MBNL2: variants seen among roughly 807,000 people sequenced by gnomAD.
MBNL2 encodes the protein muscleblind like splicing regulator 2, also known as muscleblind-like protein 2.
MBNL2 carries 17 observed loss-of-function variants against 41.9 expected under a neutral mutation model. That is an observed-to-expected ratio of 0.41 (90% confidence interval 0.28 to 0.61). The LOEUF (loss-of-function observed/expected upper bound fraction) is 0.61, where lower values mean the gene tolerates loss of function less well. Ranked by LOEUF, MBNL2 falls within the 20% of genes least tolerant of loss-of-function variation. The pLI is 0.35. For synonymous variants in MBNL2, 195 were observed against 182.9 expected (o/e 1.07, Z -0.53); for missense variants, 336 against 505.6 (o/e 0.66, Z 3.22).
At position 97,346,103 on chromosome 13, in the gene MBNL2, A is replaced by T. The variant is rs1415192552; in HGVS notation, c.541-701A>T. Reference sequence around the variant, plus strand: ...TGATGGATGGCTGGATGGATAGATGATAGATGGATGAATGAATGGCTGGCT... The same window carrying T: ...TGATGGATGGCTGGATGGATAGATGTTAGATGGATGAATGAATGGCTGGCT... On this transcript the variant is annotated intron_variant, in intron 4 of 8. Transcript: ENST00000679496. The surrounding 1 kb of genome is among the most constrained non-coding windows in gnomAD (Gnocchi z 4.2). Among the ~76,000 whole-genome samples, 2 of 152,158 alleles carry T rather than the reference A, an allele frequency of 1.3e-5. No individual in the cohort carries two copies. The highest frequency in any genetic ancestry group is 3.9e-4 in the East Asian group (2 of 5,176).
At chr13:97,172,911 A>G in the MBNL2 span, 1 of 152,078 alleles carries the variant, frequency 6.6e-6, no homozygotes, top group Non-Finnish European at 1.5e-5. Flanking sequence ...GGCTCGAAAA[A>G]AAATATATAG....
chr13:97,237,348 G>A (rs1328305444), intron 1 of MBNL2, among the ~76,000 whole-genome samples: 1 of 152,250 alleles, frequency 6.6e-6, no homozygotes, highest in Non-Finnish European at 1.5e-5. Flanking sequence ...TCTCCTTAAT[G>A]AAGCTTTCAT....
chr13:97,250,586 T>G (rs559013004), intron 1 of MBNL2, among the ~76,000 whole-genome samples: 6 of 152,198 alleles, frequency 3.9e-5, no homozygotes, highest in Admixed American at 3.9e-4. Flanking sequence ...ACCCTCCTTT[T>G]AGTATGCAGA....
At chr13:97,348,232 A>AT (rs560628397) in intron 5 of MBNL2, among the ~76,000 whole-genome samples, 3 of 151,176 alleles carry the variant, frequency 2.0e-5, no homozygotes, top group Non-Finnish European at 4.4e-5. Context: ...CTAAGTTCTA[A>AT]TTTTTTTTGT....
At chr13:97,152,487 A>C in the MBNL2 span, among the ~76,000 whole-genome samples, 1 of 152,194 alleles carries the variant, frequency 6.6e-6, no homozygotes, top group Admixed American at 6.5e-5. Context: ...AGCCCCAAGC[A>C]CATCATTCTT....
In MBNL2 at chr13:97,263,838, G is replaced by A. The variant is rs542952513; in HGVS notation, c.-604-11794G>A. 1.1e-4 allele frequency among the ~76,000 whole-genome samples: 16 copies of A among 152,062 alleles called. No individual in the cohort carries two copies. In the South Asian group the frequency reaches 2.1e-3, roughly 20 times the overall value. On this transcript the variant is annotated intron_variant, in intron 1 of 8. Coordinates refer to ENST00000679496, the MANE Select transcript of MBNL2 (RefSeq NM_001382683.1). ...TCATCATGTTGGCCAAGATGGTCTCGAACTCCTGACCTCAGGTGATCTGCC... is the reference window on the plus strand; with the variant it reads ...TCATCATGTTGGCCAAGATGGTCTCAAACTCCTGACCTCAGGTGATCTGCC...
chr13:97,271,239 C>T (rs538331309), intron 1 of MBNL2, among the ~76,000 whole-genome samples: 80 of 151,520 alleles, frequency 5.3e-4, no homozygotes, highest in African/African-American at 9.7e-4. Context: ...CCTCAGCCTC[C>T]CAAGTAGCTG....
the MBNL2 span, among the ~76,000 whole-genome samples, chr13:97,162,344 A>G: frequency 1.3e-5 from 2 of 152,212 alleles, no homozygotes; most frequent in Non-Finnish European, 2.9e-5. Context: ...GTAGGAGAAG[A>G]GGAAAGAGAC....
At chr13:97,352,292 C>T (rs755350863) in intron 5 of MBNL2, among the ~76,000 whole-genome samples, 3 of 152,156 alleles carry the variant, frequency 2.0e-5, no homozygotes, top group Admixed American at 6.5e-5. Flanking sequence ...TCTTGGCTTT[C>T]GACATGCCTT....
At chr13:97,184,517 G>A in the MBNL2 span, among the ~76,000 whole-genome samples, 3 of 152,016 alleles carry the variant, frequency 2.0e-5, no homozygotes, top group Non-Finnish European at 4.4e-5. Flanking sequence ...CCACTACCAA[G>A]CATCAGTGAC....
At chr13:97,246,497 T>C (rs1249758226) in intron 1 of MBNL2, among the ~76,000 whole-genome samples, 9 of 152,208 alleles carry the variant, frequency 5.9e-5, no homozygotes, top group Non-Finnish European at 1.2e-4. Flanking sequence ...GCAGTGCGTG[T>C]AAGAAATCTG....
intron 7 of MBNL2, among the ~76,000 whole-genome samples, chr13:97,359,544 A>G (rs1376390296): frequency 6.6e-6 from 1 of 152,232 alleles, no homozygotes; most frequent in East Asian, 1.9e-4. Flanking sequence ...TTTCCAAAGC[A>G]AGGATAAACA....
At chr13:97,351,292 C>T (rs2062427822) in intron 5 of MBNL2, among the ~76,000 whole-genome samples, 1 of 152,190 alleles carries the variant, frequency 6.6e-6, no homozygotes, top group African/African-American at 2.4e-5. Flanking sequence ...ATTTCTAGAG[C>T]ATAGGCAGAG....
At chr13:97,256,601 A>T (rs908784091) in intron 1 of MBNL2, among the ~76,000 whole-genome samples, 1 of 152,196 alleles carries the variant, frequency 6.6e-6, no homozygotes, top group Non-Finnish European at 1.5e-5. Flanking sequence ...TAATGTTGCA[A>T]TCTTCTTACC....
At chr13:97,321,799 A>G (rs984428127) in intron 2 of MBNL2, among the ~76,000 whole-genome samples, 3 of 152,240 alleles carry the variant, frequency 2.0e-5, no homozygotes, top group African/African-American at 7.2e-5. Context: ...CTGACGGCAC[A>G]GAGTCCCAGG....
At chr13:97,272,090 G>A (rs1041999040) in intron 1 of MBNL2, among the ~76,000 whole-genome samples, 3 of 152,046 alleles carry the variant, frequency 2.0e-5, no homozygotes, top group Non-Finnish European at 4.4e-5. Context: ...AGCATCTATT[G>A]TTTCCTGACT....
At chr13:97,314,115 C>T (rs1361390002) in intron 2 of MBNL2, among the ~76,000 whole-genome samples, 2 of 152,110 alleles carry the variant, frequency 1.3e-5, no homozygotes, top group African/African-American at 4.8e-5. Flanking sequence ...CCCCACCTCT[C>T]CAATCTTAAG....
intron 2 of MBNL2, among the ~76,000 whole-genome samples, chr13:97,289,031 C>T (rs1243725029): frequency 6.6e-5 from 10 of 152,144 alleles, no homozygotes; most frequent in Non-Finnish European, 1.2e-4. Context: ...AGGCCTTAAC[C>T]TAGTTAAAGC....
chr13:97,264,450 GCAAA>G lies in MBNL2; in HGVS notation c.-604-11175_-604-11172del, dbSNP rs377167384. Among the ~76,000 whole-genome samples the G allele has an allele frequency of 4.7e-3, 718 of 152,264 alleles. 6 individuals are homozygous for G. Among genetic ancestry groups the G allele is most frequent in the African/African-American group, 0.016 (679 of 41,554 alleles). On this transcript the variant is annotated intron_variant, in intron 1 of 8. Transcript: ENST00000679496. The stretch of plus-strand genomic sequence containing the variant: ...TACCCGTTACATTCATTACAGTGCT[GCAAA>G]CAAACAGGTGACAGCTTCTGACACT...
Sources: allele counts gnomAD v4.1 joint callset (sites outside exome capture counted in the v4.1 genomes callset), GRCh38; gene constraint gnomAD v4.1.1; non-coding constraint Gnocchi (gnomAD v3.1); transcripts MANE v1.5; gene names NCBI Gene and HGNC (gene_info 2026-07-23, HGNC 2026-07-21).